The following WIPF1 variants were observed in gnomAD, a reference collection of about 807,000 sequenced individuals.
The protein encoded by WIPF1 is WAS/WASL interacting protein family member 1, also known as WAS/WASL-interacting protein family member 1.
Under a neutral mutation model 35.4 loss-of-function variants are expected in WIPF1, and 13 were observed. That is an observed-to-expected ratio of 0.37 (90% CI 0.24 to 0.58). WIPF1 has a LOEUF of 0.58. Among genes scored for constraint, WIPF1 ranks in the 20% least tolerant of loss-of-function variants. The pLI, the probability that WIPF1 is intolerant of heterozygous loss-of-function variation, is 0.74. For synonymous variants in WIPF1, 267 were observed against 266.3 expected (o/e 1.00, Z -0.02); for missense variants, 591 against 667.0 (o/e 0.89, Z 1.25).
intron 1 of WIPF1, chr2:174,625,581 T>C (rs1686806353): frequency 6.6e-6 from 1 of 152,186 alleles, no homozygotes; most frequent in African/African-American, 2.4e-5. Flanking sequence ...GCCTGCCTCA[T>C]AGGCTGGTGG....
At chr2:174,574,534 T>C (rs1478682885) in intron 4 of WIPF1, among the ~76,000 whole-genome samples, 1 of 152,226 alleles carries the variant, frequency 6.6e-6, no homozygotes, top group East Asian at 1.9e-4. Context: ...AAAGCAGTTT[T>C]ATGGTAAAAT....
rs565208774 is a variant in WIPF1 at position 174,655,279 on chromosome 2, G to A, written c.-39+27495C>T. Among the ~76,000 whole-genome samples the A allele has an allele frequency of 2.6e-5, 4 of 152,092 alleles. No homozygotes were observed. In the East Asian group the frequency reaches 7.7e-4, roughly 29 times the overall value. ...TCCCTCCCTTGCCCGGCCTTCTGTA[G>A]CATTTTCCTTCAGGTCCCAGGCCCA... On this transcript the variant is annotated intron_variant, in intron 1 of 8. Transcript: ENST00000272746.
chr2:174,663,314 T>G (rs1295065503), intron 1 of WIPF1, among the ~76,000 whole-genome samples: 2 of 152,128 alleles, frequency 1.3e-5, no homozygotes, highest in Non-Finnish European at 2.9e-5. Context: ...CAGGTAAAGG[T>G]TTCACTTGGC....
At chr2:174,618,569 C>T (rs758873981) in intron 1 of WIPF1, among the ~76,000 whole-genome samples, 6 of 152,206 alleles carry the variant, frequency 3.9e-5, no homozygotes, top group Admixed American at 1.3e-4. Flanking sequence ...TGAGCATGTA[C>T]TGAGCTCTGA....
Position 174,562,375 on chromosome 2 carries a change from T to A in WIPF1, c.*172A>T. 6.7e-7 allele frequency: 1 copy of A among 1,484,704 alleles called. No individual in the cohort carries two copies. 92.0% of individuals were successfully genotyped at this position (1,484,704 alleles called of 1,614,324 possible). A position where few individuals can be genotyped will look rare whatever the true frequency, so the allele number is the denominator to read the frequency against. ...GGAGAATAAACACAATATGAAAAGC[T>A]AGGTGCATTTCTTACCGATTCCCAC... is the stretch of plus-strand genomic sequence containing the variant. On this transcript the variant is annotated 3_prime_UTR_variant, in exon 8 of 8. Transcript: ENST00000679041.
intron 1 of WIPF1, among the ~76,000 whole-genome samples, chr2:174,651,587 C>G (rs150343235): frequency 3.2e-4 from 49 of 152,286 alleles, no homozygotes; most frequent in African/African-American, 1.1e-3. Flanking sequence ...TGGAAAAAAA[C>G]TAGCAGTAAT....
chr2:174,612,973 T>C (rs1461467676), intron 1 of WIPF1, among the ~76,000 whole-genome samples: 1 of 152,242 alleles, frequency 6.6e-6, no homozygotes, highest in Non-Finnish European at 1.5e-5. Context: ...TACCTTTATT[T>C]TATTAGCTGT....
At chr2:174,660,623 C>T (rs905788443) in intron 1 of WIPF1, among the ~76,000 whole-genome samples, 1 of 152,148 alleles carries the variant, frequency 6.6e-6, no homozygotes, top group African/African-American at 2.4e-5. Flanking sequence ...TATCTGCTCA[C>T]TGCTTGAGGC....
chr2:174,647,177 G>T (rs1245734201), intron 1 of WIPF1, among the ~76,000 whole-genome samples: 7 of 151,990 alleles, frequency 4.6e-5, no homozygotes, highest in Admixed American at 3.3e-4. Context: ...TTCAAGACTG[G>T]CCTGGGCAGC....
chr2:174,622,723 T>C lies in WIPF1; in HGVS notation c.-38-37112A>G, dbSNP rs1291592789. ...GTCTGCCCCGCGGTCAGAAATTTTA[T>C]ATGGCAACCTGTATTAACTATAAGG... is the stretch of plus-strand genomic sequence containing the variant. On this transcript the variant is annotated intron_variant, in intron 1 of 8. Coordinates refer to the WIPF1 transcript ENST00000272746. This position sits in a 1 kb window ranked among gnomAD's most constrained non-coding sequence, Gnocchi z 5.1. Among the ~76,000 whole-genome samples, 3 of 152,256 alleles carry C rather than the reference T, an allele frequency of 2.0e-5. No individual in the cohort carries two copies. Among genetic ancestry groups the C allele is most frequent in the Admixed American group, 1.3e-4 (2 of 15,286 alleles).
chr2:174,610,127 G>T (rs1686299575), intron 1 of WIPF1, among the ~76,000 whole-genome samples: 1 of 152,174 alleles, frequency 6.6e-6, no homozygotes, highest in Admixed American at 6.5e-5. Context: ...CCTCGATGGG[G>T]TCAATACCTT....
intron 3 of WIPF1, among the ~76,000 whole-genome samples, chr2:174,576,243 A>AAAAAAAAAAAAAAAAAAAAAAC (rs1559149036): frequency 6.0e-5 from 9 of 150,332 alleles, no homozygotes; most frequent in African/African-American, 2.3e-4. Context: ...AAAAAAAAAA[A>AAAAAAAAAAAAAAAAAAAAAAC]AAAAAACACT....
At chr2:174,609,515 C>T (rs557824502) in intron 1 of WIPF1, among the ~76,000 whole-genome samples, 2 of 152,314 alleles carry the variant, frequency 1.3e-5, no homozygotes, top group East Asian at 1.9e-4. Flanking sequence ...TACGCATACA[C>T]GCAAACACCT....
chr2:174,568,555 G>A (rs1327627758), intron 5 of WIPF1: 1 of 154,504 alleles, frequency 6.5e-6, no homozygotes, highest in Non-Finnish European at 1.4e-5. Flanking sequence ...GCATGTTTCT[G>A]TGATGTATAT....
intron 1 of WIPF1, among the ~76,000 whole-genome samples, chr2:174,635,014 A>G (rs1241995291): frequency 6.6e-6 from 1 of 152,042 alleles, no homozygotes; most frequent in Non-Finnish European, 1.5e-5. Context: ...ACAGTGCTGC[A>G]CCCAGGATGT....
intron 1 of WIPF1, among the ~76,000 whole-genome samples, chr2:174,637,940 CT>C (rs925684089): frequency 1.3e-5 from 2 of 152,156 alleles, no homozygotes; most frequent in Non-Finnish European, 1.5e-5. Context: ...AATGTCATGT[CT>C]TTTTTTCCTC....
chr2:174,566,960 A>G, intron 7 of WIPF1, 110 bp downstream of exon 7: 3 of 994,870 alleles, frequency 3.0e-6, no homozygotes, highest in Non-Finnish European at 4.5e-6. Context: ...GATGGCTCCA[A>G]AGGGTTCTCT....
intron 3 of WIPF1, among the ~76,000 whole-genome samples, chr2:174,579,010 T>C (rs565125741): frequency 6.6e-6 from 1 of 152,178 alleles, no homozygotes; most frequent in South Asian, 2.1e-4. Flanking sequence ...ACATCACCCA[T>C]TACTGTTCTT....
intron 1 of WIPF1, 31 bp from the exon 2 acceptor site, chr2:174,585,642 G>T: frequency 6.8e-7 from 1 of 1,471,896 alleles, no homozygotes; most frequent in Non-Finnish European, 9.4e-7. Context: ...TCATGTATTA[G>T]ATGTAATCTT....
Sources: allele counts gnomAD v4.1 joint callset (sites outside exome capture counted in the v4.1 genomes callset), GRCh38; gene constraint gnomAD v4.1.1; non-coding constraint Gnocchi (gnomAD v3.1); transcripts MANE v1.5; gene names NCBI Gene and HGNC (gene_info 2026-07-23, HGNC 2026-07-21).